The following SHANK2 variants were observed in gnomAD, a reference collection of about 807,000 sequenced individuals.
The protein encoded by SHANK2 is SH3 and multiple ankyrin repeat domains protein 2.
In SHANK2, 43 loss-of-function variants were observed where a neutral mutation model predicts 133.7. The observed-to-expected ratio is 0.32, with a 90% confidence interval of 0.25 to 0.41. SHANK2 has a LOEUF of 0.41. Ranked by LOEUF, SHANK2 falls within the 10% of genes least tolerant of loss-of-function variation. The pLI is 1.00. For missense variants in SHANK2, 1,994 were observed against 2,235.8 expected (o/e 0.89, Z 2.18); for synonymous variants, 1,017 against 952.8 (o/e 1.07, Z -1.24).
intron 2 of SHANK2, among the ~76,000 whole-genome samples, chr11:71,184,477 G>C (rs1953632359): frequency 6.6e-6 from 1 of 152,134 alleles, no homozygotes; most frequent in Non-Finnish European, 1.5e-5. Flanking sequence ...TTCACTGATG[G>C]TTCAACAATA....
intron 14 of SHANK2, among the ~76,000 whole-genome samples, chr11:70,732,137 C>A (rs1946302623): frequency 1.3e-5 from 2 of 152,132 alleles, no homozygotes; most frequent in African/African-American, 4.8e-5. Context: ...GCAGGCTCCA[C>A]CCTGACACAC....
At chr11:70,837,975 C>CAAAAAAAAA (rs55862093) in intron 11 of SHANK2, among the ~76,000 whole-genome samples, 3 of 25,176 alleles carry the variant, frequency 1.2e-4, no homozygotes, top group African/African-American at 2.5e-4. Flanking sequence ...CATTCTGTCT[C>CAAAAAAAAA]AAAAAAAAAA....
intron 17 of SHANK2, among the ~76,000 whole-genome samples, chr11:70,581,165 AAAGT>A (rs1181025341): frequency 1.3e-5 from 2 of 152,218 alleles, no homozygotes; most frequent in Non-Finnish European, 2.9e-5. Context: ...GACGACGGCA[AAAGT>A]AAGTCTAGCG....
intron 9 of SHANK2, among the ~76,000 whole-genome samples, chr11:71,069,459 G>C (rs977345114): frequency 1.3e-5 from 2 of 151,732 alleles, no homozygotes; most frequent in African/African-American, 4.8e-5. Flanking sequence ...CACCACCATC[G>C]CCAGCCTCAT....
intron 15 of SHANK2, among the ~76,000 whole-genome samples, chr11:70,670,932 C>T (rs138136368): frequency 3.5e-4 from 53 of 152,322 alleles, no homozygotes; most frequent in Admixed American, 9.8e-4. Flanking sequence ...TCATGCAGCC[C>T]GCACACCCGT....
At chr11:70,666,091 G>A (rs1478925014) in intron 15 of SHANK2, among the ~76,000 whole-genome samples, 2 of 152,136 alleles carry the variant, frequency 1.3e-5, no homozygotes, top group African/African-American at 2.4e-5. Context: ...GTGGGAGGTG[G>A]GCGAAGGATG....
chr11:71,073,997 T>TGGA (rs1293474921), intron 9 of SHANK2, among the ~76,000 whole-genome samples: 1 of 152,188 alleles, frequency 6.6e-6, no homozygotes, highest in African/African-American at 2.4e-5. Flanking sequence ...ACGCATCTTA[T>TGGA]GGAGCATGGA....
intron 2 of SHANK2, among the ~76,000 whole-genome samples, chr11:71,167,319 G>A (rs1260734931): frequency 1.3e-5 from 2 of 152,132 alleles, no homozygotes; most frequent in Admixed American, 6.5e-5. Flanking sequence ...TCCCAGACGG[G>A]GTGGTGGCCG....
rs1954235193 is a variant in SHANK2 at position 71,210,233 on chromosome 11, TA to T, written c.-13+14463del. On this transcript the variant is annotated intron_variant, in intron 2 of 25. Transcript: ENST00000601538. ...AGGTATATATATATATATATATATA[TA>T]TATATATATATATATATATTTATTT... Among the ~76,000 whole-genome samples the T allele has an allele frequency of 5.0e-4, 36 of 72,158 alleles. 1 individual carries two copies. The highest frequency in any genetic ancestry group is 3.0e-3 in the South Asian group (5 of 1,682). The allele number at this position is 72,158 out of a possible 152,430, so 47.3% of individuals were successfully genotyped here. A position where few individuals can be genotyped will look rare whatever the true frequency, so the allele number is the denominator to read the frequency against.
chr11:71,070,919 G>A (rs1030103595), intron 9 of SHANK2, among the ~76,000 whole-genome samples: 5 of 152,200 alleles, frequency 3.3e-5, no homozygotes, highest in Admixed American at 6.5e-5. Flanking sequence ...TCCTGGAGCC[G>A]GCAGCTGAGG....
chr11:70,832,077 C>T (rs1948734732), intron 11 of SHANK2, among the ~76,000 whole-genome samples: 1 of 152,224 alleles, frequency 6.6e-6, no homozygotes, highest in Admixed American at 6.5e-5. Flanking sequence ...GGACAAGTCT[C>T]AGCTCTGTGA....
At chr11:70,802,098 TGAGGACCGGGA>T (rs1555050678) in intron 13 of SHANK2, among the ~76,000 whole-genome samples, 1 of 152,082 alleles carries the variant, frequency 6.6e-6, no homozygotes, top group African/African-American at 2.4e-5. Flanking sequence ...ACCCAGGGCA[TGAGGACCGGGA>T]GAGGGGCACA....
chr11:70,605,955 C>G (rs375931299), intron 17 of SHANK2, among the ~76,000 whole-genome samples: 75 of 152,252 alleles, frequency 4.9e-4, no homozygotes, highest in African/African-American at 1.5e-3. Context: ...TATTCCCCCC[C>G]CTCCTTGGGG....
chr11:70,568,629 G>A (rs554037424), intron 17 of SHANK2, among the ~76,000 whole-genome samples: 1 of 139,410 alleles, frequency 7.2e-6, no homozygotes, highest in East Asian at 2.2e-4. Flanking sequence ...CCTCTCCCAT[G>A]TGGGCAGCGG....
intron 6 of SHANK2, 44 bp downstream of exon 6, chr11:71,109,896 AC>A: frequency 8.1e-7 from 1 of 1,229,468 alleles, no homozygotes; most frequent in Middle Eastern, 1.9e-4. Flanking sequence ...GGCCTTCTCT[AC>A]GCTTCCGTAA....
intron 2 of SHANK2, among the ~76,000 whole-genome samples, chr11:71,178,226 C>T (rs1471625041): frequency 3.9e-5 from 6 of 152,216 alleles, no homozygotes; most frequent in African/African-American, 1.2e-4. Flanking sequence ...GTGGTCTATT[C>T]ATACAGTGGA....
intron 11 of SHANK2, among the ~76,000 whole-genome samples, chr11:70,889,563 C>T (rs782640129): frequency 2.0e-5 from 3 of 152,318 alleles, no homozygotes; most frequent in East Asian, 1.9e-4. Flanking sequence ...GGTGCTGGGA[C>T]GTCCGGCATG....
intron 10 of SHANK2, among the ~76,000 whole-genome samples, chr11:70,953,835 G>C (rs1405506491): frequency 1.3e-5 from 2 of 152,172 alleles, no homozygotes; most frequent in Non-Finnish European, 2.9e-5. Flanking sequence ...CCATCACAGT[G>C]AGTGGGTTCT....
chr11:70,654,531 T>C (rs1017924787), intron 17 of SHANK2: 1 of 152,208 alleles, frequency 6.6e-6, no homozygotes, highest in Non-Finnish European at 1.5e-5. Flanking sequence ...TGGGGAAAGA[T>C]GGTATTAGAT....
Sources: gnomAD v4.1 joint callset for allele counts (sites outside exome capture counted in the v4.1 genomes callset) on GRCh38, gnomAD v4.1.1 for gene constraint, MANE v1.5 for transcripts, NCBI Gene and HGNC (gene_info 2026-07-23, HGNC 2026-07-21) for gene names.